The following KLHL32 variants were observed in gnomAD, a reference collection of about 807,000 sequenced individuals.
KLHL32 encodes the protein kelch like family member 32.
A neutral mutation model predicts 64.8 loss-of-function variants in KLHL32; 35 were observed. The ratio of observed to expected loss-of-function variants is 0.54; its 90% CI spans 0.41 to 0.72. The LOEUF (loss-of-function observed/expected upper bound fraction) is 0.72, where lower values mean the gene tolerates loss of function less well. Ranked by LOEUF, KLHL32 falls within the 30% of genes least tolerant of loss-of-function variation. The probability of loss-of-function intolerance (pLI) is 0.00; values close to 1 mark genes in which losing one functional copy is unlikely to be tolerated. For missense variants in KLHL32, 589 were observed against 768.5 expected (o/e 0.77, Z 2.76); for synonymous variants, 259 against 281.0 (o/e 0.92, Z 0.78).
intron 1 of KLHL32, among the ~76,000 whole-genome samples, chr6:96,936,312 C>A (rs1770594216): frequency 1.3e-5 from 2 of 152,140 alleles, no homozygotes; most frequent in South Asian, 4.1e-4. Context: ...GGAAACCTAC[C>A]TTATAGTGAA....
At chr6:97,008,231 C>T (rs966412661) in intron 3 of KLHL32, among the ~76,000 whole-genome samples, 2 of 151,954 alleles carry the variant, frequency 1.3e-5, no homozygotes, top group Admixed American at 6.6e-5. Flanking sequence ...GTGTTTCAGC[C>T]GGTTCCAGTG....
chr6:97,037,469 A>T (rs1194853743), intron 3 of KLHL32, among the ~76,000 whole-genome samples: 4 of 152,164 alleles, frequency 2.6e-5, no homozygotes, highest in Admixed American at 2.6e-4. Context: ...CCTAGGAATC[A>T]ATTTAACCAA....
intron 4 of KLHL32, among the ~76,000 whole-genome samples, chr6:97,061,282 G>A (rs1248954111): frequency 6.6e-6 from 1 of 152,184 alleles, no homozygotes; most frequent in African/African-American, 2.4e-5. Flanking sequence ...GTCACTGGGG[G>A]TAGAGGCAAT....
At chr6:97,064,763 A>C (rs7765874) in intron 5 of KLHL32, 37 bp downstream of exon 5, 2 of 1,509,470 alleles carry the variant, frequency 1.3e-6, no homozygotes, top group Admixed American at 1.7e-5. Context: ...CACCCTTCAC[A>C]TTCCTTTCCC....
At chr6:97,131,027 GC>G in intron 9 of KLHL32, 78 bp downstream of exon 9, 1 of 1,233,148 alleles carries the variant, frequency 8.1e-7, no homozygotes, top group Non-Finnish European at 1.2e-6. Context: ...CATCTTTAGG[GC>G]ATCACTAAAT....
chr6:97,109,913 G>T (rs763225451), intron 6 of KLHL32, among the ~76,000 whole-genome samples: 1 of 152,194 alleles, frequency 6.6e-6, no homozygotes, highest in African/African-American at 2.4e-5. Flanking sequence ...CAAATATTAC[G>T]TTTCAGAAAT....
At chr6:97,089,327 G>A (rs778657093) in intron 6 of KLHL32, among the ~76,000 whole-genome samples, 8 of 152,232 alleles carry the variant, frequency 5.3e-5, no homozygotes, top group Non-Finnish European at 1.0e-4. Flanking sequence ...AGTGTTGGGA[G>A]CTAGATTCTG....
intron 6 of KLHL32, among the ~76,000 whole-genome samples, chr6:97,090,251 A>G (rs1794039555): frequency 6.6e-6 from 1 of 152,198 alleles, no homozygotes; most frequent in South Asian, 2.1e-4. Context: ...TTATTCTAAG[A>G]AAATTGATAT....
intron 4 of KLHL32, among the ~76,000 whole-genome samples, chr6:97,049,705 G>A (rs939992396): frequency 6.6e-6 from 1 of 152,178 alleles, no homozygotes; most frequent in Non-Finnish European, 1.5e-5. Context: ...TGAGAAGTGT[G>A]AAACAAAAGA....
intron 2 of KLHL32, among the ~76,000 whole-genome samples, chr6:96,974,635 C>G (rs1358978270): frequency 2.6e-5 from 4 of 152,208 alleles, no homozygotes; most frequent in African/African-American, 9.6e-5. Flanking sequence ...GCTTCCCAGT[C>G]AAAACTGTCC....
chr6:96,947,062 G>A (rs1270839646), intron 1 of KLHL32, among the ~76,000 whole-genome samples: 1 of 152,124 alleles, frequency 6.6e-6, no homozygotes, highest in Non-Finnish European at 1.5e-5. Flanking sequence ...TATCTGGGAG[G>A]CCATTAGGCT....
chr6:97,046,295 G>A (rs1392445651), intron 4 of KLHL32, among the ~76,000 whole-genome samples: 1 of 152,176 alleles, frequency 6.6e-6, no homozygotes, highest in Non-Finnish European at 1.5e-5. Context: ...GCAGTGAATT[G>A]ACTAAGATCA....
chr6:97,064,696 TC>T lies in KLHL32; in HGVS notation c.382del (p.Leu128SerfsTer12). 6.2e-7 allele frequency: 1 copy of T among 1,614,078 alleles called. No homozygotes were observed. The highest frequency in any genetic ancestry group is 8.5e-7 in the Non-Finnish European group (1 of 1,179,938). On this transcript the variant is annotated frameshift_variant, in exon 5 of 11. Coordinates refer to ENST00000369261, the MANE Select transcript of KLHL32 (RefSeq NM_052904.4). LOFTEE classifies it high-confidence loss of function. ...AGSHLQLLEL[L>X]NLCSHYLIQE... ...GCAGTCACCTACAGCTGTTGGAGCT[TC>T]TCAATTTATGCTCCCACTATCTCAT...
At chr6:97,050,917 C>T (rs1470598736) in intron 4 of KLHL32, among the ~76,000 whole-genome samples, 1 of 152,106 alleles carries the variant, frequency 6.6e-6, no homozygotes, top group Non-Finnish European at 1.5e-5. Flanking sequence ...GCAGGAGAAC[C>T]GCTTGAACTC....
the KLHL32 span, among the ~76,000 whole-genome samples, chr6:96,907,711 C>T: frequency 4.6e-5 from 7 of 152,284 alleles, no homozygotes; most frequent in South Asian, 1.2e-3. Context: ...ACTCGCCCAG[C>T]TCATTTCTGT....
In KLHL32 at chr6:97,131,879, C is replaced by T. The variant is rs943503421; in HGVS notation, c.1607-774C>T. Among the ~76,000 whole-genome samples the T allele has an allele frequency of 7.9e-5, 12 of 152,154 alleles. No homozygotes were observed. The South Asian group carries it at 8.3e-4, about 11-fold the overall frequency. The stretch of plus-strand genomic sequence containing the variant: ...GAGTTTTAGCGGTACCTTAGGCCCT[C>T]GATTCTGGATCTGTGATTCTGCCTG... On this transcript the variant is annotated intron_variant, in intron 9 of 10. Transcript: ENST00000369261.
intron 5 of KLHL32, among the ~76,000 whole-genome samples, chr6:97,071,569 C>T (rs756685558): frequency 5.3e-5 from 8 of 152,166 alleles, no homozygotes; most frequent in Non-Finnish European, 1.2e-4. Context: ...GCCAGCATTT[C>T]ACTTGATATG....
chr6:97,004,037 A>G (rs1779368285), intron 3 of KLHL32, among the ~76,000 whole-genome samples: 1 of 152,218 alleles, frequency 6.6e-6, no homozygotes. Flanking sequence ...GTTGTTTTAT[A>G]GGAATAGCAC....
intron 1 of KLHL32, among the ~76,000 whole-genome samples, chr6:96,945,600 A>G (rs942604068): frequency 2.6e-5 from 4 of 152,224 alleles, no homozygotes; most frequent in African/African-American, 7.2e-5. Context: ...GTAGGAAAAA[A>G]AATTTTAAGC....
Sources: gnomAD v4.1 joint callset for allele counts (sites outside exome capture counted in the v4.1 genomes callset) on GRCh38, gnomAD v4.1.1 for gene constraint, MANE v1.5 for transcripts, NCBI Gene and HGNC (gene_info 2026-07-23, HGNC 2026-07-21) for gene names.